Variants in NPHS2 observed in about 807,000 individuals in gnomAD.
The protein encoded by NPHS2 is podocin.
A neutral mutation model predicts 37.1 loss-of-function variants in NPHS2; 36 were observed. The observed-to-expected ratio is 0.97, with a 90% CI of 0.74 to 1.28. NPHS2 has a LOEUF of 1.28. Among genes scored for constraint, NPHS2 ranks in the 50% most tolerant of loss-of-function variants. The pLI, the probability that NPHS2 is intolerant of heterozygous loss-of-function variation, is 0.00. For synonymous variants in NPHS2, 196 were observed against 189.3 expected, an observed-to-expected ratio of 1.04 and a Z score of -0.29; for missense variants, 447 against 488.1, an observed-to-expected ratio of 0.92 and a Z score of 0.79.
At chr1:179,575,263 G>A (rs1460140741) in intron 1 of NPHS2, among the ~76,000 whole-genome samples, 2 of 152,106 alleles carry the variant, frequency 1.3e-5, no homozygotes, top group Non-Finnish European at 2.9e-5. Flanking sequence ...TTAGGTGCCC[G>A]TATGCCCCTC....
chr1:179,574,132 C>G (rs1394462907), intron 1 of NPHS2, among the ~76,000 whole-genome samples: 1 of 152,160 alleles, frequency 6.6e-6, no homozygotes, highest in Non-Finnish European at 1.5e-5. Context: ...ACTGCTCGCC[C>G]ATTGCTTGAG....
intron 7 of NPHS2, 52 bp from the exon 8 acceptor site, chr1:179,551,503 T>C (rs1278628660): frequency 6.2e-7 from 1 of 1,604,570 alleles, no homozygotes; most frequent in East Asian, 2.2e-5. Flanking sequence ...CCCTGAAGGC[T>C]TCACCACTAT....
chr1:179,551,157 T>G lies in NPHS2; in HGVS notation c.*16A>C. On this transcript the variant is annotated 3_prime_UTR_variant, in exon 8 of 8. Coordinates refer to ENST00000367615, the MANE Select transcript of NPHS2 (RefSeq NM_014625.4). The stretch of plus-strand genomic sequence containing the variant: ...TATGGCAGGCCCCTTTACAGTCACA[T>G]TATGCCCCATCCTTCCTATAACATG... 6.2e-7 allele frequency: 1 copy of G among 1,613,638 alleles called. No homozygotes were observed. The highest frequency in any genetic ancestry group is 8.5e-7 in the Non-Finnish European group (1 of 1,179,972).
intron 3 of NPHS2, 133 bp from the exon 4 acceptor site, chr1:179,559,894 C>T (rs1674073292): frequency 1.6e-6 from 1 of 633,310 alleles, no homozygotes; most frequent in Non-Finnish European, 3.0e-6. Flanking sequence ...GCCCATCCCA[C>T]CTCCACCTGA....
chr1:179,568,869 G>A (rs959020593), intron 1 of NPHS2, among the ~76,000 whole-genome samples: 1 of 152,192 alleles, frequency 6.6e-6, no homozygotes, highest in Non-Finnish European at 1.5e-5. Flanking sequence ...TTTTGAGTGA[G>A]TTTCTTAATC....
Position 179,564,797 on chromosome 1 carries a change from A to G in NPHS2, c.275-4T>C, listed in dbSNP as rs1174677500. 1.9e-6 allele frequency: 3 copies of G among 1,607,728 alleles called. No homozygotes were observed. Among genetic ancestry groups the G allele is most frequent in the Non-Finnish European group, 1.7e-6 (2 of 1,174,330 alleles). On this transcript the variant is annotated splice_region_variant and splice_polypyrimidine_tract_variant and intron_variant, in intron 1 of 7. Coordinates refer to ENST00000367615, the MANE Select transcript of NPHS2 (RefSeq NM_014625.4). ...CCTAAGCCGGAGGATTTGGTACCTT[A>G]AAAAAATTAAAGCAAAAGAATAATT...
chr1:179,568,188 T>C (rs1209877145), intron 1 of NPHS2, among the ~76,000 whole-genome samples: 1 of 152,160 alleles, frequency 6.6e-6, no homozygotes, highest in African/African-American at 2.4e-5. Context: ...GGTCCTGGAC[T>C]TTTTTTGGTT....
intron 4 of NPHS2, 48 bp from the exon 5 acceptor site, chr1:179,557,278 T>G: frequency 6.7e-7 from 1 of 1,485,386 alleles, no homozygotes; most frequent in Non-Finnish European, 9.4e-7. Context: ...TGGGCTCCTT[T>G]CCTATGTGGG....
Position 179,556,020 on chromosome 1 carries a change from T to TA in NPHS2, c.738+1006dup, listed in dbSNP as rs1402095023. ...TATTAGGATACATGCATTTTTGACT[T>TA]ACGATATTTTTTGCTTTATGATGGT... is the stretch of plus-strand genomic sequence containing the variant. On this transcript the variant is annotated intron_variant, in intron 5 of 7. Transcript: ENST00000367615. This position sits in a 1 kb window ranked among gnomAD's most constrained non-coding sequence, Gnocchi z 4.1. 1.8e-4 allele frequency among the ~76,000 whole-genome samples: 28 copies of TA among 152,330 alleles called. 1 individual carries two copies. The highest frequency in any genetic ancestry group is 4.1e-4 in the South Asian group (2 of 4,820).
At chr1:179,554,723 C>G in intron 5 of NPHS2, 192 bp from the exon 6 acceptor site, 1 of 706,866 alleles carries the variant, frequency 1.4e-6, no homozygotes. Context: ...CAATAAATAT[C>G]TGTGCAATTG....
At chr1:179,573,846 T>C (rs1296006589) in intron 1 of NPHS2, among the ~76,000 whole-genome samples, 1 of 152,236 alleles carries the variant, frequency 6.6e-6, no homozygotes, top group Non-Finnish European at 1.5e-5. Flanking sequence ...CAAAATATTA[T>C]TCTGTTAGAA....
rs199506378 is a variant in NPHS2, at chr1:179,551,435, G to A, written c.890C>T (p.Ala297Val). 2.5e-6 allele frequency: 4 copies of A among 1,613,320 alleles called. No homozygotes were observed. The African/African-American group carries it at 4.0e-5, about 16-fold the overall frequency. Residue 297 changes from alanine (A) to valine (V), a missense_variant, in exon 8 of 8, where the codon GCG becomes GTG. Ala to Val is a moderately conservative substitution (Grantham distance 64). Transcript: ENST00000367615. ...CAGGGACTCAGAAGCAGCCTTTTCC[G>A]CTTCTGCAGCAATCATCTAGAAAAC... ...QAKVRMIAAE[A>V]EKAASESLRM... is the part of the protein sequence containing the mutation.
At position 179,557,075 on chromosome 1, in the gene NPHS2, G is replaced by A. The variant is rs761637326; in HGVS notation, c.690C>T (p.Ser230=). 24 of 1,613,894 alleles carry A rather than the reference G, an allele frequency of 1.5e-5. No individual in the cohort carries two copies. Among genetic ancestry groups the A allele is most frequent in the Non-Finnish European group, 1.9e-5 (22 of 1,179,972 alleles). Residue 230 remains serine, a synonymous_variant, in exon 5 of 8, where the codon TCC becomes TCT. Coordinates refer to ENST00000367615, the MANE Select transcript of NPHS2 (RefSeq NM_014625.4). ...TTMKRLLAHR[S]LTEILLERKS... ...TCCTCTCTAGAAGAATTTCAGTGAG[G>A]GATCGATGTGCTAGGAGACGCTTCA...
At chr1:179,563,577 A>G (rs192578213) in intron 2 of NPHS2, among the ~76,000 whole-genome samples, 16 of 152,336 alleles carry the variant, frequency 1.1e-4, no homozygotes, top group Admixed American at 9.8e-4. Context: ...CCATAAAACT[A>G]ACTTAAACAA....
At position 179,575,607 on chromosome 1, in the gene NPHS2, G is replaced by C; in HGVS notation, c.258C>G (p.Ser86Arg). 6.2e-7 allele frequency: 1 copy of C among 1,602,350 alleles called. No individual in the cohort carries two copies. Among genetic ancestry groups the C allele is most frequent in the Non-Finnish European group, 8.5e-7 (1 of 1,179,846 alleles). The part of the protein sequence containing the change: ...EGTEVVALLE[S>R]ERPEEGTKSS... ...AATCCGTACCTTCCTCGGGCCGCTCGCTCTCCAACAGCGCCACCACCTCGG... is the reference window on the plus strand; with the variant it reads ...AATCCGTACCTTCCTCGGGCCGCTCCCTCTCCAACAGCGCCACCACCTCGG... The change falls in exon 1 of 8, where the codon AGC becomes AGG. Residue 86 changes from serine (S) to arginine (R), a missense_variant. Coordinates refer to ENST00000367615, the MANE Select transcript of NPHS2 (RefSeq NM_014625.4).
chr1:179,567,601 A>G (rs1674385209), intron 1 of NPHS2, among the ~76,000 whole-genome samples: 1 of 152,102 alleles, frequency 6.6e-6, no homozygotes, highest in Non-Finnish European at 1.5e-5. Flanking sequence ...TTCCAACACT[A>G]TGTCGAATAG....
At position 179,556,917 on chromosome 1, in the gene NPHS2, A is replaced by T. The variant is rs73051834; in HGVS notation, c.738+110T>A. On this transcript the variant is annotated intron_variant, in intron 5 of 7. Coordinates refer to ENST00000367615, the MANE Select transcript of NPHS2 (RefSeq NM_014625.4). The surrounding 1 kb of genome is among the most constrained non-coding windows in gnomAD (Gnocchi z 4.1). ...TAACTAGCTATGAGCTCCCAAAGGGATGGCCCCTAAGGGATGGAACTGGCC... is the reference window on the plus strand; with the variant it reads ...TAACTAGCTATGAGCTCCCAAAGGGTTGGCCCCTAAGGGATGGAACTGGCC... 106,173 of 1,042,984 alleles carry T rather than the reference A, an allele frequency of 0.1. 6,151 individuals are homozygous for T. Among genetic ancestry groups the T allele is most frequent in the African/African-American group, 0.17 (10,783 of 63,112 alleles). 64.6% of individuals were successfully genotyped at this position (1,042,984 alleles called of 1,614,324 possible). A position where few individuals can be genotyped will look rare whatever the true frequency, so the allele number is the denominator to read the frequency against.
At chr1:179,558,156 A>T (rs1316678201) in intron 4 of NPHS2, among the ~76,000 whole-genome samples, 2 of 152,116 alleles carry the variant, frequency 1.3e-5, no homozygotes, top group Non-Finnish European at 2.9e-5. Context: ...ATATTGTGCA[A>T]CTATCACCAC....
In NPHS2 at chr1:179,557,241, A is replaced by G. The variant is rs367624940; in HGVS notation, c.535-11T>C. On this transcript the variant is annotated splice_polypyrimidine_tract_variant and intron_variant, in intron 4 of 7. Coordinates refer to ENST00000367615, the MANE Select transcript of NPHS2 (RefSeq NM_014625.4). ...GTCTTTGGTCACGATCTAGGCAGAAAAAAGTTTGGATGACAGGCTTGATTC... is the reference window on the plus strand; with the variant it reads ...GTCTTTGGTCACGATCTAGGCAGAAGAAAGTTTGGATGACAGGCTTGATTC... 8.7e-6 allele frequency: 14 copies of G among 1,611,992 alleles called. No homozygotes were observed. The highest frequency in any genetic ancestry group is 1.3e-5 in the African/African-American group (1 of 74,884).
Sources: allele counts gnomAD v4.1 joint callset (sites outside exome capture counted in the v4.1 genomes callset), GRCh38; gene constraint gnomAD v4.1.1; non-coding constraint Gnocchi (gnomAD v3.1); transcripts MANE v1.5; gene names NCBI Gene and HGNC (gene_info 2026-07-23, HGNC 2026-07-21).